Variants in PDE4C observed in about 807,000 individuals in gnomAD.
The protein encoded by PDE4C is phosphodiesterase 4C.
In PDE4C, 50 loss-of-function variants were observed where a neutral mutation model predicts 63.9. That is an observed-to-expected ratio of 0.78 (90% CI 0.62 to 0.99). The LOEUF is 0.99. Ranked by LOEUF, PDE4C falls within the 50% of genes least tolerant of loss-of-function variation. The pLI is 0.00. For synonymous variants in PDE4C, 377 were observed against 385.1 expected (o/e 0.98, Z 0.25); for missense variants, 777 against 899.1 (o/e 0.86, Z 1.74).
At chr19:18,230,693 G>A (rs932658879), upstream of PDE4C, among the ~76,000 whole-genome samples, 6 of 151,988 alleles carry the variant, frequency 3.9e-5, no homozygotes, top group Admixed American at 6.6e-5. Flanking sequence ...TCCTCCTGCA[G>A]GCTAAGCTTA....
At chr19:18,242,487 A>G (rs1969059054) in intron 1 of PDE4C, among the ~76,000 whole-genome samples, 1 of 147,368 alleles carries the variant, frequency 6.8e-6, no homozygotes, top group Non-Finnish European at 1.5e-5. Flanking sequence ...AAAAAAAAAA[A>G]AAAAAAAAAA....
intron 12 of PDE4C, 24 bp downstream of exon 12, chr19:18,216,717 C>T (rs1363300767): frequency 6.4e-7 from 1 of 1,559,676 alleles, no homozygotes; most frequent in Non-Finnish European, 8.7e-7. Flanking sequence ...GCCCCTCCCG[C>T]CCCGCTTACT....
Position 18,216,873 on chromosome 19 carries a change from G to C in PDE4C, c.1257C>G (p.Tyr419Ter), listed in dbSNP as rs752077587. 6 of 1,613,460 alleles carry C rather than the reference G, an allele frequency of 3.7e-6. No homozygotes were observed. The highest frequency in any genetic ancestry group is 5.1e-6 in the Non-Finnish European group (6 of 1,179,654). Residue 419 changes from tyrosine (Y) to a stop codon, truncating the protein, a stop_gained, in exon 12 of 15, where the codon TAC (tyrosine) becomes TAG (stop). Coordinates refer to ENST00000262805, the Ensembl canonical transcript of PDE4C. LOFTEE classifies it high-confidence loss of function. ...GGTTCTCCAGCACCGAGGCGTCGTTGTACATAAGCGCCAGCTCTGAGTCTG... is the reference window on the plus strand; with the variant it reads ...GGTTCTCCAGCACCGAGGCGTCGTTCTACATAAGCGCCAGCTCTGAGTCTG...
intron 1 of PDE4C, 70 bp from the exon 2 acceptor site, chr19:18,222,393 T>C (rs1968523924): frequency 7.1e-7 from 1 of 1,411,868 alleles, no homozygotes; most frequent in Admixed American, 1.9e-5. Flanking sequence ...GGCCACCTTG[T>C]CTGGTGCGTC....
chr19:18,233,409 TA>T, exon 1 of PDE4C: 2 of 711,252 alleles, frequency 2.8e-6, no homozygotes, highest in Non-Finnish European at 5.0e-6. Context: ...TGCTGAAGGG[TA>T]GAACAGGGGA....
At chr19:18,254,086 G>A in the PDE4C span, among the ~76,000 whole-genome samples, 4 of 152,166 alleles carry the variant, frequency 2.6e-5, no homozygotes, top group Admixed American at 6.5e-5. Context: ...TGGGGATGAC[G>A]GCTGAGTCTA....
At chr19:18,216,772 C>A (rs1268523791) in exon 12 of PDE4C, 2 of 1,612,706 alleles carry the variant, frequency 1.2e-6, no homozygotes, top group Admixed American at 3.3e-5. Context: ...CAGACTCAGT[C>A]GCTGCTTGGC....
In PDE4C at chr19:18,241,698, C is replaced by T. The variant is rs117198561; in HGVS notation, c.-210+6473G>A. Among the ~76,000 whole-genome samples, 3 of 152,218 alleles carry T rather than the reference C, an allele frequency of 2.0e-5. No individual in the cohort carries two copies. The East Asian group carries it at 5.8e-4, about 29-fold the overall frequency. ...CCAGGTAGCTGAGACTACAGTCACA[C>T]ACCACAACTCCCAGCTAATTTTTGT... is the stretch of plus-strand genomic sequence containing the variant. On this transcript the variant is annotated intron_variant, in intron 1 of 15. Coordinates refer to the PDE4C transcript ENST00000594617.
chr19:18,228,612 G>C (rs894001221), upstream of PDE4C, among the ~76,000 whole-genome samples: 3 of 152,052 alleles, frequency 2.0e-5, no homozygotes, highest in Non-Finnish European at 4.4e-5. Flanking sequence ...TTTATCAATA[G>C]GTTTACTATT....
exon 12 of PDE4C, chr19:18,216,865 G>A: frequency 3.1e-6 from 5 of 1,613,996 alleles, no homozygotes; most frequent in Non-Finnish European, 4.2e-6. Flanking sequence ...CAGCACCGAG[G>A]CGTCGTTGTA....
chr19:18,210,377 C>T (rs1967870869), downstream of PDE4C: 1 of 152,262 alleles, frequency 6.6e-6, no homozygotes, highest in African/African-American at 2.4e-5. Flanking sequence ...AGAAACAAAA[C>T]TGGGTATGAG....
upstream of PDE4C, among the ~76,000 whole-genome samples, chr19:18,235,422 T>A (rs1261874735): frequency 1.3e-5 from 2 of 152,192 alleles, no homozygotes; most frequent in Admixed American, 1.3e-4. Flanking sequence ...CCACCCGTCT[T>A]GGCCTCCAAA....
chr19:18,251,259 C>T (rs917693390), upstream of PDE4C, among the ~76,000 whole-genome samples: 2 of 149,844 alleles, frequency 1.3e-5, no homozygotes, highest in African/African-American at 2.5e-5. Context: ...CCAAGTAGCC[C>T]GGATTACAGG....
At chr19:18,212,065 G>A in intron 13 of PDE4C, 124 bp from the exon 14 acceptor site, 1 of 917,912 alleles carries the variant, frequency 1.1e-6, no homozygotes, top group Non-Finnish European at 1.7e-6. Flanking sequence ...TGAGGCCTGA[G>A]ACCTGAAGAA....
intron 1 of PDE4C, among the ~76,000 whole-genome samples, chr19:18,238,811 G>T (rs532115670): frequency 4.5e-4 from 69 of 151,774 alleles, no homozygotes; most frequent in African/African-American, 1.6e-3. Flanking sequence ...GCCAACATAG[G>T]GAAACCCCAT....
At chr19:18,245,594 T>C (rs896224880) in intron 1 of PDE4C, among the ~76,000 whole-genome samples, 1 of 152,242 alleles carries the variant, frequency 6.6e-6, no homozygotes, top group Non-Finnish European at 1.5e-5. Flanking sequence ...AAATGTCAAC[T>C]TCCCGGAGAA....
At position 18,220,270 on chromosome 19, in the gene PDE4C, C is replaced by T. The variant is rs150688284; in HGVS notation, c.662G>A (p.Arg221His). The change falls in exon 7 of 15, where the codon CGC becomes CAC. Residue 221 changes from arginine to histidine, a missense_variant. Arg to His is a conservative substitution (Grantham distance 29). Coordinates refer to ENST00000262805, the Ensembl canonical transcript of PDE4C. This position sits in a 1 kb window ranked among gnomAD's most constrained non-coding sequence, Gnocchi z 5.1. ...GTACTCGGACACCTGGTTCCCGGAG[C>T]GGCTGGTTTCGGACAGGTGGGTCAA... is the stretch of plus-strand genomic sequence containing the variant. The T allele has an allele frequency of 2.1e-5, 34 of 1,614,006 alleles. No homozygotes were observed. Among genetic ancestry groups the T allele is most frequent in the East Asian group, 8.9e-5 (4 of 44,894 alleles).
intron 1 of PDE4C, among the ~76,000 whole-genome samples, chr19:18,241,262 T>A (rs1333691661): frequency 2.6e-5 from 1 of 38,086 alleles, no homozygotes; most frequent in South Asian, 2.5e-3. Context: ...CTTGTTTTTT[T>A]TTTTTTTTTT....
At chr19:18,218,362 T>A (rs1010005720) in exon 10 of PDE4C, 2 of 1,614,100 alleles carry the variant, frequency 1.2e-6, no homozygotes, top group Non-Finnish European at 1.7e-6. Flanking sequence ...CAGCAGCACA[T>A]GCGTGGACTG....
Sources: gnomAD v4.1 joint callset for allele counts (sites outside exome capture counted in the v4.1 genomes callset) on GRCh38, gnomAD v4.1.1 for gene constraint, Gnocchi (gnomAD v3.1) non-coding constraint, MANE v1.5 for transcripts, NCBI Gene and HGNC (gene_info 2026-07-23, HGNC 2026-07-21) for gene names.